ADAM33: variants seen among roughly 807,000 people sequenced by gnomAD.
ADAM33 encodes ADAM metallopeptidase domain 33, also known as disintegrin and metalloproteinase domain-containing protein 33.
A neutral mutation model predicts 106.2 loss-of-function variants in ADAM33; 103 were observed. The ratio of observed to expected loss-of-function variants is 0.97; its 90% CI spans 0.83 to 1.14. ADAM33 has a LOEUF of 1.14. Ranked by LOEUF, ADAM33 falls within the 50% of genes most tolerant of loss-of-function variation. The pLI, the probability that ADAM33 is intolerant of heterozygous loss-of-function variation, is 0.00. For missense variants in ADAM33, 1,120 were observed against 1,096.6 expected, an observed-to-expected ratio of 1.02 and a Z score of -0.30; for synonymous variants, 483 against 453.0, an observed-to-expected ratio of 1.07 and a Z score of -0.84.
intron 11 of ADAM33, 62 bp downstream of exon 11, chr20:3,673,292 G>A (rs1459397533): frequency 2.6e-6 from 4 of 1,534,634 alleles, no homozygotes; most frequent in Admixed American, 2.0e-5. Context: ...CCAAAGAAAC[G>A]CAGCGGAGGA....
Position 3,668,549 on chromosome 20 carries a change from C to T in ADAM33, c.*414G>A. The stretch of plus-strand genomic sequence containing the variant: ...GTGGACTCAGTCGAACCATAGGGCC[C>T]CAGGACCACTAGCTTCTGGCCAGCA... On this transcript the variant is annotated 3_prime_UTR_variant, in exon 22 of 22. Transcript: ENST00000356518. The T allele has an allele frequency of 4.1e-6, 1 of 246,310 alleles. No homozygotes were observed. 15.3% of individuals were successfully genotyped at this position (246,310 alleles called of 1,614,324 possible). A position where few individuals can be genotyped will look rare whatever the true frequency, so the allele number is the denominator to read the frequency against.
chr20:3,672,129 CT>C lies in ADAM33; in HGVS notation c.1597+4del. The C allele has an allele frequency of 9.3e-6, 15 of 1,607,788 alleles. No homozygotes were observed. Among genetic ancestry groups the C allele is most frequent in the Non-Finnish European group, 1.3e-5 (15 of 1,176,578 alleles). ...CAGGGTGCAAGGGTGCTCGTGTCCT[CT>C]CACCAGGCCCCCAGAGCTGCTGGCA... On this transcript the variant is annotated splice_donor_region_variant and intron_variant, in intron 14 of 21. Transcript: ENST00000356518.
At chr20:3,677,979 T>C (rs939419631) in intron 2 of ADAM33, among the ~76,000 whole-genome samples, 2 of 152,208 alleles carry the variant, frequency 1.3e-5, no homozygotes, top group African/African-American at 4.8e-5. Context: ...TCTCCAAAAA[T>C]GCACTGGCCT....
intron 19 of ADAM33, 45 bp from the exon 20 acceptor site, chr20:3,669,682 G>A (rs1351490123): frequency 2.6e-6 from 4 of 1,543,812 alleles, no homozygotes; most frequent in South Asian, 1.2e-5. Context: ...CAGTGATCCT[G>A]AGTGGGTTAT....
chr20:3,669,008 TGAG>T lies in ADAM33; in HGVS notation c.2405-11_2405-9del. On this transcript the variant is annotated splice_polypyrimidine_tract_variant and intron_variant, in intron 21 of 21. Coordinates refer to ENST00000356518, the MANE Select transcript of ADAM33 (RefSeq NM_025220.5). The stretch of plus-strand genomic sequence containing the variant: ...GCATCTGGACTTGATCTGCTGAGAA[TGAG>T]GAGGATATGTTGTCCCCTAAGGACT... The T allele has an allele frequency of 6.2e-7, 1 of 1,613,872 alleles. No individual in the cohort carries two copies. The highest frequency in any genetic ancestry group is 8.5e-7 in the Non-Finnish European group (1 of 1,179,906).
chr20:3,670,706 G>T (rs2087476797), intron 19 of ADAM33: 2 of 378,082 alleles, frequency 5.3e-6, no homozygotes, highest in Admixed American at 7.7e-5. Context: ...AAAACAGGGC[G>T]AAGTCAAGGG....
rs570981497 is a variant in ADAM33, at chr20:3,675,086, A to G, written c.274T>C (p.Tyr92His). 2 of 1,613,092 alleles carry G rather than the reference A, an allele frequency of 1.2e-6. No homozygotes were observed. Among genetic ancestry groups the G allele is most frequent in the African/African-American group, 2.7e-5 (2 of 75,018 alleles). ...EKNHRLLAPG[Y>H]IETHYGPDGQ... ...TCTGGGCCGTAGTGGGTTTCTATGTATCCTGGGGCCAGCAGCCTGCTGAGA... is the reference window on the plus strand; with the variant it reads ...TCTGGGCCGTAGTGGGTTTCTATGTGTCCTGGGGCCAGCAGCCTGCTGAGA... The change falls in exon 4 of 22, where the codon TAC becomes CAC. Residue 92 changes from tyrosine (Y) to histidine (H), a missense_variant. Transcript: ENST00000356518. The surrounding 1 kb of genome is among the most constrained non-coding windows in gnomAD (Gnocchi z 4.1).
intron 5 of ADAM33, 22 bp downstream of exon 5, chr20:3,674,751 A>AG (rs760738267): frequency 8.1e-6 from 13 of 1,598,022 alleles, no homozygotes; most frequent in South Asian, 1.1e-5. Flanking sequence ...TCCCAGGCCC[A>AG]GCCTCCTCTC....
Position 3,674,619 on chromosome 20 carries a change from G to A in ADAM33, c.485C>T (p.Ser162Leu). ...CTCCATCCGAAAGATCTCGTGGGTT[G>A]AGAAGTCCTTGGAGCCCCGGGGTGG... The part of the protein sequence containing the change: ...PWPPRGSKDF[S>L]THEIFRMEQL... Residue 162 changes from serine (S) to leucine (L), a missense_variant, in exon 6 of 22, where the codon TCA (serine) becomes TTA (leucine). Physicochemically the swap from Ser to Leu is moderately radical, Grantham distance 145 (BLOSUM62 -2). Coordinates refer to ENST00000356518, the MANE Select transcript of ADAM33 (RefSeq NM_025220.5). 2.5e-6 allele frequency: 4 copies of A among 1,612,934 alleles called. No homozygotes were observed. The highest frequency in any genetic ancestry group is 3.4e-6 in the Non-Finnish European group (4 of 1,179,708).
chr20:3,669,752 G>T, intron 19 of ADAM33, 115 bp from the exon 20 acceptor site: 1 of 935,986 alleles, frequency 1.1e-6, no homozygotes, highest in Non-Finnish European at 1.7e-6. Flanking sequence ...GTTTCTTGGG[G>T]CACCCATCTG....
At chr20:3,669,735 T>TAGTA in intron 19 of ADAM33, 98 bp from the exon 20 acceptor site, 2 of 1,137,686 alleles carry the variant, frequency 1.8e-6, no homozygotes, top group Non-Finnish European at 2.6e-6. Flanking sequence ...AGTTCTGCGT[T>TAGTA]TACTGAGTTT....
chr20:3,679,621 G>T (rs780067952), intron 1 of ADAM33, 50 bp from the exon 2 acceptor site: 4 of 1,528,168 alleles, frequency 2.6e-6, no homozygotes, highest in Non-Finnish European at 3.6e-6. Flanking sequence ...GAACACAGGG[G>T]CATGGGACAA....
At position 3,672,164 on chromosome 20, in the gene ADAM33, C is replaced by G; in HGVS notation, c.1567G>C (p.Glu523Gln). Reference protein sequence around the residue: ...YCWDGACPTLEQQCQQLWGPG... With the variant: ...YCWDGACPTLQQQCQQLWGPG... ...CCCCAGAGCTGCTGGCACTGCTGCT[C>G]CAGCGTGGGACATGCGCCATCCCAG... Residue 523 changes from glutamate (E) to glutamine (Q), a missense_variant, in exon 14 of 22, where the codon GAG becomes CAG. Coordinates refer to ENST00000356518, the MANE Select transcript of ADAM33 (RefSeq NM_025220.5). 1.9e-6 allele frequency: 3 copies of G among 1,612,730 alleles called. No individual in the cohort carries two copies. The highest frequency in any genetic ancestry group is 2.5e-6 in the Non-Finnish European group (3 of 1,179,674).
Position 3,669,505 on chromosome 20 carries a change from T to G in ADAM33, c.2332+41A>C, listed in dbSNP as rs779600787. The G allele has an allele frequency of 1.3e-6, 2 of 1,549,740 alleles. 1 individual carries two copies. Among genetic ancestry groups the G allele is most frequent in the South Asian group, 2.4e-5 (2 of 83,518 alleles). On this transcript the variant is annotated intron_variant, in intron 20 of 21. Transcript: ENST00000356518. ...GAGGCAGGAGGCATGAGCCCTTCCC[T>G]TCTCCCTTCCCTCTCCACCTCCCCC...
At chr20:3,669,169 G>T in intron 21 of ADAM33, 130 bp downstream of exon 21, 1 of 1,187,272 alleles carries the variant, frequency 8.4e-7, no homozygotes, top group Non-Finnish European at 1.2e-6. Flanking sequence ...TGATAACCAA[G>T]AGGTCATAAA....
In ADAM33 at chr20:3,671,796, G is replaced by T; in HGVS notation, c.1707-17C>A. On this transcript the variant is annotated splice_polypyrimidine_tract_variant and intron_variant, in intron 15 of 21. Coordinates refer to ENST00000356518, the MANE Select transcript of ADAM33 (RefSeq NM_025220.5). The stretch of plus-strand genomic sequence containing the variant: ...AGGGCATCCCTGGGGAGGAAGTAGA[G>T]GGGGGTCAACAGCTGCAGTACCCCC... 1 of 1,554,780 alleles carries T rather than the reference G, an allele frequency of 6.4e-7. No individual in the cohort carries two copies.
At chr20:3,673,300 G>A (rs1366206968) in intron 11 of ADAM33, 54 bp downstream of exon 11, 4 of 1,534,958 alleles carry the variant, frequency 2.6e-6, no homozygotes, top group Middle Eastern at 1.7e-4. Flanking sequence ...ACGCAGCGGA[G>A]GAAGTCCCCA....
rs766440283 is a variant in ADAM33 at position 3,671,218 on chromosome 20, A to G, written c.2092+19T>C. ...GTGCACCACCCCAGCTCCTGCCCAC[A>G]TGCCCCCCACTGGCATACTTTCAGC... On this transcript the variant is annotated intron_variant, in intron 18 of 21. Coordinates refer to ENST00000356518, the MANE Select transcript of ADAM33 (RefSeq NM_025220.5). The G allele has an allele frequency of 5.0e-6, 8 of 1,613,240 alleles. No homozygotes were observed. The Admixed American group carries it at 6.7e-5, about 13-fold the overall frequency.
In ADAM33 at chr20:3,671,403, C is replaced by T. The variant is rs1369438096; in HGVS notation, c.1983+16G>A. 1.2e-6 allele frequency: 2 copies of T among 1,611,194 alleles called. No homozygotes were observed. Among genetic ancestry groups the T allele is most frequent in the East Asian group, 4.5e-5 (2 of 44,806 alleles). On this transcript the variant is annotated intron_variant, in intron 17 of 21. Coordinates refer to ENST00000356518, the MANE Select transcript of ADAM33 (RefSeq NM_025220.5). Reference sequence around the variant, plus strand: ...ATTAGGAACCCCAAGGTCACCCCCACTCCTCGGGCTCTCACCCCGTGGCTG... The same window carrying T: ...ATTAGGAACCCCAAGGTCACCCCCATTCCTCGGGCTCTCACCCCGTGGCTG...
Sources: allele counts gnomAD v4.1 joint callset (sites outside exome capture counted in the v4.1 genomes callset), GRCh38; gene constraint gnomAD v4.1.1; non-coding constraint Gnocchi (gnomAD v3.1); transcripts MANE v1.5; gene names NCBI Gene and HGNC (gene_info 2026-07-23, HGNC 2026-07-21).